Variants in SGCZ observed in about 807,000 individuals in gnomAD.
SGCZ encodes the protein zeta-sarcoglycan.
In SGCZ, 40 loss-of-function variants were observed where a neutral mutation model predicts 41.3. The ratio of observed to expected loss-of-function variants is 0.97; its 90% confidence interval spans 0.75 to 1.26. The LOEUF (loss-of-function observed/expected upper bound fraction) is 1.26, where lower values mean the gene tolerates loss of function less well. SGCZ is among the 50% of genes most tolerant of loss of function. The probability of loss-of-function intolerance (pLI) is 0.00; values close to 1 mark genes in which losing one functional copy is unlikely to be tolerated. For synonymous variants in SGCZ, 206 were observed against 137.5 expected, an observed-to-expected ratio of 1.50 and a Z score of -3.49; for missense variants, 552 against 369.8, an observed-to-expected ratio of 1.49 and a Z score of -4.04.
intron 1 of SGCZ, among the ~76,000 whole-genome samples, chr8:14,656,093 T>G (rs1361043667): frequency 6.6e-6 from 1 of 152,058 alleles, no homozygotes; most frequent in Admixed American, 6.6e-5. Context: ...TGAACGTTGT[T>G]TTTATTTCCC....
intron 4 of SGCZ, among the ~76,000 whole-genome samples, chr8:14,172,670 G>A (rs80088681): frequency 0.011 from 1,670 of 152,156 alleles, 27 homozygotes; most frequent in African/African-American, 0.039. Context: ...TCATTACATC[G>A]TTTTCCTAAG....
At chr8:14,545,688 C>A (rs1223242309) in intron 2 of SGCZ, among the ~76,000 whole-genome samples, 1 of 152,130 alleles carries the variant, frequency 6.6e-6, no homozygotes, top group Non-Finnish European at 1.5e-5. Flanking sequence ...TCTGTCACTT[C>A]TTATAGATAA....
rs73519057 is a variant in SGCZ, at chr8:14,993,184, G to C, written c.39+244401C>G. Among the ~76,000 whole-genome samples, 439 of 152,252 alleles carry C rather than the reference G, an allele frequency of 2.9e-3. 3 individuals are homozygous for C. The highest frequency in any genetic ancestry group is 9.8e-3 in the African/African-American group (409 of 41,534). Reference sequence around the variant, plus strand: ...TGTCTTCCTTGAGGTTAGTCTGACAGCCCTTTAACTCACGAAGAGTAACCT... The same window carrying C: ...TGTCTTCCTTGAGGTTAGTCTGACACCCCTTTAACTCACGAAGAGTAACCT... On this transcript the variant is annotated intron_variant, in intron 1 of 7. Coordinates refer to ENST00000382080, the MANE Select transcript of SGCZ (RefSeq NM_139167.4).
At chr8:14,532,513 G>T (rs55789431) in intron 2 of SGCZ, among the ~76,000 whole-genome samples, 33,542 of 151,806 alleles carry the variant, frequency 0.22, 4,660 homozygotes, top group Non-Finnish European at 0.32. Context: ...AAGAATAAGC[G>T]AATAAGCAGC....
At chr8:15,088,953 C>T (rs535893482) in intron 1 of SGCZ, among the ~76,000 whole-genome samples, 3 of 152,132 alleles carry the variant, frequency 2.0e-5, no homozygotes, top group Admixed American at 6.6e-5. Flanking sequence ...AATGACGTCA[C>T]GTAGTCATAG....
intron 4 of SGCZ, among the ~76,000 whole-genome samples, chr8:14,224,800 T>C (rs1420419638): frequency 1.3e-5 from 2 of 152,160 alleles, no homozygotes; most frequent in African/African-American, 2.4e-5. Flanking sequence ...CACCACCTAA[T>C]ATTCTTTCTT....
intron 2 of SGCZ, among the ~76,000 whole-genome samples, chr8:14,458,941 G>T (rs12548390): frequency 0.24 from 36,106 of 152,026 alleles, 4,669 homozygotes; most frequent in Non-Finnish European, 0.3. Flanking sequence ...CGAAATTAAG[G>T]TTCATAAAAG....
intron 3 of SGCZ, among the ~76,000 whole-genome samples, chr8:14,269,381 T>C (rs756510805): frequency 5.3e-4 from 32 of 60,450 alleles, no homozygotes; most frequent in Non-Finnish European, 1.0e-3. Context: ...AGATCTCTAA[T>C]TCCTTAGCAT....
chr8:14,310,204 T>C (rs1801489323), intron 3 of SGCZ, among the ~76,000 whole-genome samples: 1 of 152,186 alleles, frequency 6.6e-6, no homozygotes, highest in Non-Finnish European at 1.5e-5. Flanking sequence ...TGTTTCCCTA[T>C]TTGATAGTAT....
Position 14,336,933 on chromosome 8 carries a change from A to G in SGCZ, c.235-12729T>C, listed in dbSNP as rs59122874. Among the ~76,000 whole-genome samples, 269 of 152,042 alleles carry G rather than the reference A, an allele frequency of 1.8e-3. 2 individuals carry two copies. Among genetic ancestry groups the G allele is most frequent in the African/African-American group, 6.1e-3 (253 of 41,452 alleles). ...ATGGACCAGTCACCACATCCCACAC[A>G]CTTGTTTTCAATTGTTCTACTTGCC... On this transcript the variant is annotated intron_variant, in intron 2 of 7. Transcript: ENST00000382080.
chr8:14,504,436 G>C (rs928297811), intron 2 of SGCZ, among the ~76,000 whole-genome samples: 4 of 152,186 alleles, frequency 2.6e-5, no homozygotes, highest in African/African-American at 9.6e-5. Context: ...TATAGTTACA[G>C]TGAGTCTAAA....
At chr8:14,564,320 T>C (rs528497909) in intron 1 of SGCZ, among the ~76,000 whole-genome samples, 1 of 43,642 alleles carries the variant, frequency 2.3e-5, no homozygotes, top group South Asian at 7.2e-4. Context: ...GTGTTGATCA[T>C]ATTTAGATTT....
chr8:14,395,291 T>G (rs746621602), intron 2 of SGCZ, among the ~76,000 whole-genome samples: 8 of 152,188 alleles, frequency 5.3e-5, no homozygotes, highest in Non-Finnish European at 1.2e-4. Flanking sequence ...TAGAAGTTAC[T>G]ATTGTGGTAA....
chr8:14,881,679 G>A (rs1804595425), intron 1 of SGCZ, among the ~76,000 whole-genome samples: 1 of 152,144 alleles, frequency 6.6e-6, no homozygotes, highest in Non-Finnish European at 1.5e-5. Flanking sequence ...CATTGAGACA[G>A]AAAATTAACA....
intron 3 of SGCZ, among the ~76,000 whole-genome samples, chr8:14,246,535 A>T (rs1366247381): frequency 6.6e-6 from 1 of 151,952 alleles, no homozygotes; most frequent in African/African-American, 2.4e-5. Context: ...AGCATGGCAC[A>T]TGTATACATA....
At chr8:14,562,115 A>G (rs928823173) in intron 1 of SGCZ, among the ~76,000 whole-genome samples, 2 of 152,096 alleles carry the variant, frequency 1.3e-5, no homozygotes, top group African/African-American at 4.8e-5. Flanking sequence ...GGTAGCAGAG[A>G]CCATTTTTTA....
At chr8:14,793,471 C>G (rs1801024189) in intron 1 of SGCZ, among the ~76,000 whole-genome samples, 1 of 152,112 alleles carries the variant, frequency 6.6e-6, no homozygotes, top group Non-Finnish European at 1.5e-5. Flanking sequence ...TATCCAGCCA[C>G]AAATATCAGA....
intron 1 of SGCZ, among the ~76,000 whole-genome samples, chr8:14,953,175 C>T (rs1371420196): frequency 2.6e-5 from 4 of 152,158 alleles, no homozygotes; most frequent in Non-Finnish European, 5.9e-5. Context: ...CTGACTCACA[C>T]TTCCACAGGA....
intron 1 of SGCZ, among the ~76,000 whole-genome samples, chr8:14,621,053 T>C (rs1375833270): frequency 1.3e-5 from 2 of 152,052 alleles, no homozygotes; most frequent in Admixed American, 6.6e-5. Flanking sequence ...TGTCCATCAA[T>C]GATAGATTGG....
Sources: gnomAD v4.1 joint callset for allele counts (sites outside exome capture counted in the v4.1 genomes callset) on GRCh38, gnomAD v4.1.1 for gene constraint, MANE v1.5 for transcripts, NCBI Gene and HGNC (gene_info 2026-07-23, HGNC 2026-07-21) for gene names.